MCTP1: variants seen among roughly 807,000 people sequenced by gnomAD.
The protein encoded by MCTP1 is multiple C2 and transmembrane domain-containing protein 1.
Under a neutral mutation model 120.6 loss-of-function variants are expected in MCTP1, and 69 were observed. The observed-to-expected ratio is 0.57, with a 90% CI of 0.47 to 0.70. The LOEUF (loss-of-function observed/expected upper bound fraction) is 0.70, where lower values mean the gene tolerates loss of function less well. MCTP1 is among the 30% of genes least tolerant of loss of function. MCTP1 has a pLI of 0.00. For missense variants in MCTP1, 1,203 were observed against 1,248.8 expected, an observed-to-expected ratio of 0.96 and a Z score of 0.55; for synonymous variants, 529 against 493.1, an observed-to-expected ratio of 1.07 and a Z score of -0.96.
chr5:94,755,051 T>C (rs1214968449), intron 19 of MCTP1, among the ~76,000 whole-genome samples: 2 of 152,202 alleles, frequency 1.3e-5, no homozygotes, highest in East Asian at 3.9e-4. Flanking sequence ...ACTTGGGCAT[T>C]TGTCCATTTG....
rs138240696 is a variant in MCTP1 at position 95,031,850 on chromosome 5, T to G, written c.721-14366A>C. ...ATTTTTTGTTGCCTTCAAGAGCACA[T>G]CTCATGTGGAATGACATCCGCAGGC... On this transcript the variant is annotated intron_variant, in intron 1 of 22. Coordinates refer to ENST00000515393, the MANE Select transcript of MCTP1 (RefSeq NM_024717.7). 5.9e-4 allele frequency among the ~76,000 whole-genome samples: 90 copies of G among 152,120 alleles called. 1 individual carries two copies. Among genetic ancestry groups the G allele is most frequent in the African/African-American group, 2.1e-3 (88 of 41,516 alleles).
chr5:95,004,820 T>C (rs530962093), intron 2 of MCTP1, among the ~76,000 whole-genome samples: 68 of 152,330 alleles, frequency 4.5e-4, no homozygotes, highest in Middle Eastern at 3.4e-3. Flanking sequence ...GGAGAACCTC[T>C]ACTAGGGTAG....
chr5:94,921,305 T>C (rs781738713), intron 7 of MCTP1, among the ~76,000 whole-genome samples: 6 of 152,204 alleles, frequency 3.9e-5, no homozygotes, highest in Non-Finnish European at 8.8e-5. Flanking sequence ...TTTCAGACAA[T>C]TAGACTATCC....
At chr5:94,907,012 A>G (rs1807088126) in intron 10 of MCTP1, among the ~76,000 whole-genome samples, 2 of 152,224 alleles carry the variant, frequency 1.3e-5, no homozygotes, top group Admixed American at 6.5e-5. Flanking sequence ...AAGTAAGTCA[A>G]TTGTCTTTGA....
intron 1 of MCTP1, among the ~76,000 whole-genome samples, chr5:95,075,607 A>G (rs938855259): frequency 2.0e-5 from 3 of 152,178 alleles, no homozygotes; most frequent in African/African-American, 7.2e-5. Context: ...TCTGATATAT[A>G]AAAAAACACC....
intron 2 of MCTP1, among the ~76,000 whole-genome samples, chr5:95,010,688 C>T (rs1431272942): frequency 6.6e-6 from 1 of 152,064 alleles, no homozygotes; most frequent in East Asian, 1.9e-4. Context: ...TTCTTCATTC[C>T]CACAAAGTAA....
chr5:94,703,993 AAAAG>A lies in MCTP1; in HGVS notation c.*3499_*3502del, dbSNP rs938367397. ...AGAGGGTAACATTTTCACCAAAAAA[AAAAG>A]AAAAAAAAATGTTTTGTTTTCTTTC... On this transcript the variant is annotated 3_prime_UTR_variant, in exon 23 of 23. Transcript: ENST00000515393. 3.4e-5 allele frequency: 4 copies of A among 117,816 alleles called. No individual in the cohort carries two copies. Among genetic ancestry groups the A allele is most frequent in the Non-Finnish European group, 7.6e-5 (4 of 52,962 alleles). 7.3% of individuals were successfully genotyped at this position (117,816 alleles called of 1,614,324 possible). A position where few individuals can be genotyped will look rare whatever the true frequency, so the allele number is the denominator to read the frequency against.
intron 18 of MCTP1, chr5:94,784,915 T>C (rs1056876537): frequency 6.6e-6 from 1 of 152,106 alleles, no homozygotes. Context: ...TTCTGGGAAG[T>C]GCCACGTTGT....
At chr5:94,963,394 T>C (rs1344815491) in intron 2 of MCTP1, among the ~76,000 whole-genome samples, 1 of 151,188 alleles carries the variant, frequency 6.6e-6, no homozygotes, top group Non-Finnish European at 1.5e-5. Flanking sequence ...CTGTTTTCCT[T>C]AATGGCTGCA....
At chr5:95,219,422 A>C (rs1753431890) in intron 1 of MCTP1, among the ~76,000 whole-genome samples, 1 of 152,190 alleles carries the variant, frequency 6.6e-6, no homozygotes, top group South Asian at 2.1e-4. Flanking sequence ...AATTTATTTA[A>C]AACACAAAAT....
At chr5:94,913,066 C>CA (rs897908849) in intron 8 of MCTP1, 90 bp from the exon 9 acceptor site, 2 of 791,184 alleles carry the variant, frequency 2.5e-6, no homozygotes, top group Non-Finnish European at 3.8e-6. Context: ...TATGATTCTT[C>CA]AAAAAATAAA....
intron 11 of MCTP1, 132 bp from the exon 12 acceptor site, chr5:94,889,104 A>AT (rs963281674): frequency 0.023 from 9,758 of 419,642 alleles, no homozygotes; most frequent in South Asian, 0.031. Context: ...AAACTAACTA[A>AT]TTTTTTTTTT....
intron 1 of MCTP1, among the ~76,000 whole-genome samples, chr5:95,163,344 T>C (rs1745959557): frequency 1.3e-5 from 2 of 152,192 alleles, no homozygotes; most frequent in Non-Finnish European, 2.9e-5. Flanking sequence ...AAATGTTCTG[T>C]ATAGTCCCAA....
At chr5:95,102,436 C>T (rs1311837048) in intron 1 of MCTP1, among the ~76,000 whole-genome samples, 1 of 152,172 alleles carries the variant, frequency 6.6e-6, no homozygotes, top group Non-Finnish European at 1.5e-5. Flanking sequence ...TTGTTTTAAG[C>T]CACAAAGTTG....
At chr5:94,932,092 C>T (rs531431141) in intron 5 of MCTP1, 101 bp from the exon 6 acceptor site, 4 of 756,802 alleles carry the variant, frequency 5.3e-6, no homozygotes, top group Non-Finnish European at 6.8e-6. Flanking sequence ...CTTGAAACAG[C>T]GAACAGTTCC....
chr5:94,941,331 G>T (rs1211164097), intron 4 of MCTP1, among the ~76,000 whole-genome samples: 1 of 151,990 alleles, frequency 6.6e-6, no homozygotes, highest in Non-Finnish European at 1.5e-5. Flanking sequence ...CCTGTGCTAG[G>T]TTATAGGCTG....
intron 4 of MCTP1, among the ~76,000 whole-genome samples, chr5:94,941,244 T>C (rs946072399): frequency 1.4e-5 from 2 of 143,294 alleles, no homozygotes; most frequent in African/African-American, 2.5e-5. Flanking sequence ...CTATTCCAGA[T>C]TGAGCTCAGT....
At position 94,747,666 on chromosome 5, in the gene MCTP1, T is replaced by C. The variant is rs539302129; in HGVS notation, c.2610+31444A>G. ...AAATAATCCTTTTCATATATAAAGC[T>C]AAGAGAGGTAAAGTCCAGATTGCAA... On this transcript the variant is annotated intron_variant, in intron 19 of 22. Coordinates refer to ENST00000515393, the MANE Select transcript of MCTP1 (RefSeq NM_024717.7). Among the ~76,000 whole-genome samples the C allele has an allele frequency of 3.3e-5, 5 of 152,208 alleles. No homozygotes were observed. In the East Asian group the frequency reaches 9.6e-4, roughly 29 times the overall value.
In MCTP1 at chr5:94,983,503, A is replaced by T. The variant is rs571670767; in HGVS notation, c.839-30142T>A. Among the ~76,000 whole-genome samples the T allele has an allele frequency of 3.3e-5, 5 of 152,252 alleles. No individual in the cohort carries two copies. The South Asian group carries it at 6.2e-4, about 19-fold the overall frequency. On this transcript the variant is annotated intron_variant, in intron 2 of 22. Transcript: ENST00000515393. ...AGGCCTAAGCTGCCATAACAAAGAG[A>T]TCCAAAAAATATAGTGGCTTGGTCA... is the stretch of plus-strand genomic sequence containing the variant.
Sources: allele counts gnomAD v4.1 joint callset (sites outside exome capture counted in the v4.1 genomes callset), GRCh38; gene constraint gnomAD v4.1.1; transcripts MANE v1.5; gene names NCBI Gene and HGNC (gene_info 2026-07-23, HGNC 2026-07-21).